Variants in OXNAD1 observed in about 807,000 individuals in gnomAD.
OXNAD1 encodes the protein oxidoreductase NAD binding domain containing 1, also known as oxidoreductase NAD-binding domain-containing protein 1.
In OXNAD1, 34 loss-of-function variants were observed where a neutral mutation model predicts 32.9. The ratio of observed to expected loss-of-function variants is 1.03; its 90% CI spans 0.79 to 1.38. The LOEUF (loss-of-function observed/expected upper bound fraction) is 1.38, where lower values mean the gene tolerates loss of function less well. Ranked by LOEUF, OXNAD1 falls within the 40% of genes most tolerant of loss-of-function variation. The probability of loss-of-function intolerance (pLI) is 0.00; values close to 1 mark genes in which losing one functional copy is unlikely to be tolerated. For synonymous variants in OXNAD1, 134 were observed against 135.2 expected (o/e 0.99, Z 0.06); for missense variants, 407 against 379.4 (o/e 1.07, Z -0.60).
At position 16,303,441 on chromosome 3, in the gene OXNAD1, A is replaced by G. The variant is rs758832919; in HGVS notation, c.818A>G (p.His273Arg). The change falls in exon 9 of 9, where the codon CAT becomes CGT. Residue 273 changes from histidine (H) to arginine (R), a missense_variant. Transcript: ENST00000285083. The surrounding 1 kb of genome is among the most constrained non-coding windows in gnomAD (Gnocchi z 4.8). ...ATAACGGAGAAGGAGATAAGAGATC[A>G]TATTTCAAAAGAGACTTTGTTCTAT... ...GRITEKEIRD[H>R]ISKETLFYIC... 1.9e-6 allele frequency: 3 copies of G among 1,614,022 alleles called. No individual in the cohort carries two copies. Among genetic ancestry groups the G allele is most frequent in the South Asian group, 2.2e-5 (2 of 91,072 alleles).
chr3:16,317,445 A>AT lies in OXNAD1; in HGVS notation c.*30+13857dup, dbSNP rs1238839425. Among the ~76,000 whole-genome samples, 1 of 151,998 alleles carries AT rather than the reference A, an allele frequency of 6.6e-6. No individual in the cohort carries two copies. The highest frequency in any genetic ancestry group is 2.4e-5 in the African/African-American group (1 of 41,374). On this transcript the variant is annotated intron_variant, in intron 9 of 9. Transcript: ENST00000435829. This position sits in a 1 kb window ranked among gnomAD's most constrained non-coding sequence, Gnocchi z 4.3. ...CTGCACCACACCTTCCAGGATGTGT[A>AT]TTTTAGATGTAGATTTCAGGTTCTG...
intron 9 of OXNAD1, among the ~76,000 whole-genome samples, chr3:16,332,838 T>TCTACCTACCTAC (rs10662085): frequency 1.3e-5 from 2 of 151,300 alleles, no homozygotes; most frequent in African/African-American, 4.9e-5. Context: ...CATCGATTTA[T>TCTACCTACCTAC]CTACCTACCT....
chr3:16,293,915 TG>T (rs1343036950), intron 5 of OXNAD1, among the ~76,000 whole-genome samples: 1 of 152,224 alleles, frequency 6.6e-6, no homozygotes, highest in Non-Finnish European at 1.5e-5. Context: ...GAGATGATCA[TG>T]TGGGTTTTGT....
rs1553726059 is a variant in OXNAD1 at position 16,345,786 on chromosome 3, C to CTGTGTGTGTGTGTGTGTGTGTGTGTG, written c.*31-3389_*31-3388insGTGTGTGTGTGTGTGTGTGTGTGTGT. 1.2e-5 allele frequency among the ~76,000 whole-genome samples: 1 copy of CTGTGTGTGTGTGTGTGTGTGTGTGTG among 81,554 alleles called. No individual in the cohort carries two copies. Among genetic ancestry groups the CTGTGTGTGTGTGTGTGTGTGTGTGTG allele is most frequent in the Non-Finnish European group, 2.5e-5 (1 of 39,814 alleles). 53.5% of individuals were successfully genotyped at this position (81,554 alleles called of 152,430 possible). On this transcript the variant is annotated intron_variant, in intron 9 of 9. Transcript: ENST00000606098. This position sits in a 1 kb window ranked among gnomAD's most constrained non-coding sequence, Gnocchi z 5.2. ...CATGAGCCAAAACCTTATAATAAAT[C>CTGTGTGTGTGTGTGTGTGTGTGTGTG]TCTGTGTGTGTGTGTGTGTGTGTGT...
intron 9 of OXNAD1, among the ~76,000 whole-genome samples, chr3:16,313,003 G>C (rs866623206): frequency 6.6e-6 from 1 of 150,996 alleles, no homozygotes; most frequent in Non-Finnish European, 1.5e-5. Flanking sequence ...CAAAATCTCA[G>C]TGGCTCACCT....
At chr3:16,274,167 T>TAAA (rs34969392) in intron 4 of OXNAD1, among the ~76,000 whole-genome samples, 1 of 122,398 alleles carries the variant, frequency 8.2e-6, no homozygotes, top group Non-Finnish European at 1.7e-5. Flanking sequence ...GTACTATCAC[T>TAAA]AAAAAAAAAA....
At chr3:16,278,307 C>G (rs112124612) in intron 4 of OXNAD1, among the ~76,000 whole-genome samples, 9 of 152,120 alleles carry the variant, frequency 5.9e-5, no homozygotes, top group African/African-American at 1.9e-4. Context: ...CTTTTAGAAG[C>G]CTGTGTCTTT....
In OXNAD1 at chr3:16,271,500, G is replaced by A. The variant is rs1012200145; in HGVS notation, c.120-159G>A. Among the ~76,000 whole-genome samples, 1 of 152,122 alleles carries A rather than the reference G, an allele frequency of 6.6e-6. No individual in the cohort carries two copies. On this transcript the variant is annotated intron_variant, in intron 3 of 8. Transcript: ENST00000285083. The surrounding 1 kb of genome is among the most constrained non-coding windows in gnomAD (Gnocchi z 4.6). ...ATTACAGGCATGAGCCACCATGCCC[G>A]GCCAAAACTTTAGTTAGACGGGCAG...
chr3:16,322,638 T>TG lies in OXNAD1; in HGVS notation c.*31-14470dup, dbSNP rs2069198360. On this transcript the variant is annotated intron_variant, in intron 9 of 9. Transcript: ENST00000435829. The surrounding 1 kb of genome is among the most constrained non-coding windows in gnomAD (Gnocchi z 6.2). ...GAAAAGCACCACAGGCTGCTCAGGG[T>TG]GGGGTGGGAAGCATCAGAATCATCT... Among the ~76,000 whole-genome samples the TG allele has an allele frequency of 6.6e-6, 1 of 151,812 alleles. No homozygotes were observed. The highest frequency in any genetic ancestry group is 2.1e-4 in the South Asian group (1 of 4,804).
At chr3:16,293,463 A>G (rs752621977) in intron 5 of OXNAD1, among the ~76,000 whole-genome samples, 1 of 152,206 alleles carries the variant, frequency 6.6e-6, no homozygotes, top group African/African-American at 2.4e-5. Flanking sequence ...TACCATCTGC[A>G]GCTTCCACCT....
rs1469665663 is a variant in OXNAD1, at chr3:16,317,522, A to G, written c.*30+13930A>G. ...CTGGCTCTATACCAAAGGCCCACAT[A>G]GGAAAGGGCTCCTAAAGTCCTATCA... On this transcript the variant is annotated intron_variant, in intron 9 of 9. Coordinates refer to the OXNAD1 transcript ENST00000435829. This position sits in a 1 kb window ranked among gnomAD's most constrained non-coding sequence, Gnocchi z 4.3. 2.6e-5 allele frequency among the ~76,000 whole-genome samples: 4 copies of G among 152,178 alleles called. No homozygotes were observed.
rs767997499 is a variant in OXNAD1 at position 16,271,011 on chromosome 3, G to T, written c.59G>T (p.Arg20Leu). ...TTGCGGTGCTCTGTTGGAGCCATCC[G>T]TATTGAGGCTGCGTCACTGAGATTG... Reference protein sequence around the residue: ...GLLRCSVGAIRIEAASLRLTL... With the variant: ...GLLRCSVGAILIEAASLRLTL... Residue 20 changes from arginine (R) to leucine (L), a missense_variant, in exon 3 of 9, where the codon CGT becomes CTT. Arg to Leu is a moderately radical substitution (Grantham distance 102, BLOSUM62 -2). Coordinates refer to ENST00000285083, the MANE Select transcript of OXNAD1 (RefSeq NM_138381.5). This position sits in a 1 kb window ranked among gnomAD's most constrained non-coding sequence, Gnocchi z 4.6. The T allele has an allele frequency of 6.2e-7, 1 of 1,614,124 alleles. No homozygotes were observed. Among genetic ancestry groups the T allele is most frequent in the Non-Finnish European group, 8.5e-7 (1 of 1,180,018 alleles).
chr3:16,292,520 G>A (rs1385299739), intron 5 of OXNAD1, among the ~76,000 whole-genome samples: 1 of 152,058 alleles, frequency 6.6e-6, no homozygotes, highest in Non-Finnish European at 1.5e-5. Context: ...GATAACATTT[G>A]TAGCACAGAG....
rs944896134 is a variant in OXNAD1 at position 16,345,096 on chromosome 3, C to CA, written c.*31-4078dup. 2 of 152,250 alleles carry CA rather than the reference C, an allele frequency of 1.3e-5. No individual in the cohort carries two copies. The highest frequency in any genetic ancestry group is 1.3e-4 in the Admixed American group (2 of 15,278). 9.4% of individuals were successfully genotyped at this position (152,250 alleles called of 1,614,324 possible). A position where few individuals can be genotyped will look rare whatever the true frequency, so the allele number is the denominator to read the frequency against. The stretch of plus-strand genomic sequence containing the variant: ...CTCAGACCTGCAACCACAAGGCCAA[C>CA]AACCTAAGTGAGCTTGGAAGTGGAT... On this transcript the variant is annotated intron_variant, in intron 9 of 9. Coordinates refer to the OXNAD1 transcript ENST00000606098. This position sits in a 1 kb window ranked among gnomAD's most constrained non-coding sequence, Gnocchi z 5.2.
chr3:16,344,624 T>C lies in OXNAD1; in HGVS notation c.*31-4552T>C, dbSNP rs963736133. ...TCAGGTCTCTTCAGGTCCACCACCTTCTAGATCACTGCACAAGCCCCTGAA... is the reference window on the plus strand; with the variant it reads ...TCAGGTCTCTTCAGGTCCACCACCTCCTAGATCACTGCACAAGCCCCTGAA... On this transcript the variant is annotated intron_variant, in intron 9 of 9. Transcript: ENST00000606098. This position sits in a 1 kb window ranked among gnomAD's most constrained non-coding sequence, Gnocchi z 4.4. Among the ~76,000 whole-genome samples the C allele has an allele frequency of 6.6e-6, 1 of 151,998 alleles. No individual in the cohort carries two copies. The highest frequency in any genetic ancestry group is 2.4e-5 in the African/African-American group (1 of 41,362).
chr3:16,295,114 C>T (rs768749355), intron 6 of OXNAD1, 117 bp downstream of exon 6: 6 of 1,206,006 alleles, frequency 5.0e-6, no homozygotes, highest in Non-Finnish European at 6.6e-6. Context: ...GGGTACATGC[C>T]CAGAAAGAGC....
downstream of OXNAD1, among the ~76,000 whole-genome samples, chr3:16,310,233 CG>C (rs1220201329): frequency 2.0e-5 from 3 of 152,244 alleles, no homozygotes; most frequent in African/African-American, 4.8e-5. Flanking sequence ...TATTAACTTA[CG>C]CATTTTGTGG....
downstream of OXNAD1, among the ~76,000 whole-genome samples, chr3:16,340,318 A>G (rs2071233208): frequency 6.6e-6 from 1 of 152,238 alleles, no homozygotes; most frequent in African/African-American, 2.4e-5. Flanking sequence ...GCTTTTGGGA[A>G]TCCTGTGGCT....
chr3:16,350,827 A>C (rs1408866685), downstream of OXNAD1, among the ~76,000 whole-genome samples: 1 of 152,222 alleles, frequency 6.6e-6, no homozygotes. Context: ...ATGATCTCAG[A>C]ACCAAAGTAA....
Sources: allele counts gnomAD v4.1 joint callset (sites outside exome capture counted in the v4.1 genomes callset), GRCh38; gene constraint gnomAD v4.1.1; non-coding constraint Gnocchi (gnomAD v3.1); transcripts MANE v1.5; gene names NCBI Gene and HGNC (gene_info 2026-07-23, HGNC 2026-07-21).